RASGRP3: variants seen among roughly 807,000 people sequenced by gnomAD.
RASGRP3 encodes RAS guanyl releasing protein 3.
A neutral mutation model predicts 82.7 loss-of-function variants in RASGRP3; 54 were observed. The ratio of observed to expected loss-of-function variants is 0.65; its 90% CI spans 0.52 to 0.82. RASGRP3 has a LOEUF of 0.82. Among genes scored for constraint, RASGRP3 ranks in the 40% least tolerant of loss-of-function variants. The probability of loss-of-function intolerance (pLI) is 0.00; values close to 1 mark genes in which losing one functional copy is unlikely to be tolerated. For missense variants in RASGRP3, 861 were observed against 828.9 expected, an observed-to-expected ratio of 1.04 and a Z score of -0.48; for synonymous variants, 309 against 300.5, an observed-to-expected ratio of 1.03 and a Z score of -0.29.
intron 1 of RASGRP3, among the ~76,000 whole-genome samples, chr2:33,505,912 T>C (rs543579388): frequency 3.3e-4 from 50 of 152,346 alleles, no homozygotes; most frequent in African/African-American, 1.0e-3. Flanking sequence ...CTTTGGAATT[T>C]CATGGTATTT....
chr2:33,558,091 C>A (rs1391144486), intron 15 of RASGRP3, 120 bp from the exon 16 acceptor site: 2 of 1,355,016 alleles, frequency 1.5e-6, no homozygotes, highest in Non-Finnish European at 2.0e-6. Context: ...GAGCTCAACT[C>A]TGAAATTCAA....
chr2:33,499,891 C>G (rs1669705665), intron 1 of RASGRP3, among the ~76,000 whole-genome samples: 1 of 152,174 alleles, frequency 6.6e-6, no homozygotes, highest in Non-Finnish European at 1.5e-5. Flanking sequence ...AGGCACACTT[C>G]TGGGCTAGGG....
chr2:33,503,618 C>T (rs1231106970), intron 1 of RASGRP3, among the ~76,000 whole-genome samples: 2 of 151,456 alleles, frequency 1.3e-5, no homozygotes, highest in Non-Finnish European at 2.9e-5. Flanking sequence ...CTGTACTTTA[C>T]CGTTAATTGA....
At chr2:33,472,558 A>C (rs1239402402), upstream of RASGRP3, among the ~76,000 whole-genome samples, 10 of 152,338 alleles carry the variant, frequency 6.6e-5, no homozygotes, top group Non-Finnish European at 1.2e-4. Context: ...CCTAAGGGGC[A>C]GATAGCGGAA....
intron 9 of RASGRP3, among the ~76,000 whole-genome samples, chr2:33,526,348 C>T (rs564981659): frequency 5.0e-4 from 76 of 152,266 alleles, no homozygotes; most frequent in African/African-American, 1.8e-3. Context: ...TGTGAAGCAA[C>T]CAACGATAAC....
At chr2:33,437,862 A>T (rs1665008627) in intron 1 of RASGRP3, among the ~76,000 whole-genome samples, 1 of 152,220 alleles carries the variant, frequency 6.6e-6, no homozygotes, top group African/African-American at 2.4e-5. Flanking sequence ...AATTAATCTG[A>T]ATAAATATGA....
intron 2 of RASGRP3, 56 bp from the exon 3 acceptor site, chr2:33,514,954 C>G: frequency 1.7e-6 from 1 of 598,410 alleles, no homozygotes; most frequent in East Asian, 2.8e-5. Context: ...AAGTGATGCT[C>G]TAGTGGGGTC....
At chr2:33,453,785 GTAAT>G (rs1665912575) in intron 2 of RASGRP3, among the ~76,000 whole-genome samples, 1 of 152,152 alleles carries the variant, frequency 6.6e-6, no homozygotes, top group Admixed American at 6.5e-5. Context: ...TATAAAAGAT[GTAAT>G]TAAAATTGAT....
intron 2 of RASGRP3, among the ~76,000 whole-genome samples, chr2:33,455,134 G>A (rs1665974585): frequency 1.3e-5 from 2 of 152,182 alleles, no homozygotes; most frequent in African/African-American, 4.8e-5. Flanking sequence ...ATGATGTCAT[G>A]TAGGCAAAGA....
intron 10 of RASGRP3, among the ~76,000 whole-genome samples, chr2:33,528,675 A>G (rs1003053462): frequency 6.6e-6 from 1 of 152,178 alleles, no homozygotes; most frequent in Admixed American, 6.5e-5. Flanking sequence ...CCTTCTCACA[A>G]ACTGTTCCTA....
At chr2:33,500,100 C>CA (rs1426203687) in intron 1 of RASGRP3, among the ~76,000 whole-genome samples, 1 of 151,662 alleles carries the variant, frequency 6.6e-6, no homozygotes, top group Non-Finnish European at 1.5e-5. Flanking sequence ...GAGAGACATT[C>CA]AAAAAAATAA....
Position 33,515,123 on chromosome 2 carries a change from A to G in RASGRP3, c.-14A>G, listed in dbSNP as rs1671321168. On this transcript the variant is annotated 5_prime_UTR_variant, in exon 3 of 18. Transcript: ENST00000403687. The stretch of plus-strand genomic sequence containing the variant: ...TGAAAATGTCTCTAGTTTTTTGACA[A>G]CGGCTAAATAACCATGGGATCAAGT... 4 of 1,613,628 alleles carry G rather than the reference A, an allele frequency of 2.5e-6. No homozygotes were observed. In the African/African-American group the frequency reaches 4.0e-5, roughly 16 times the overall value.
At chr2:33,486,901 G>T (rs762406280) in intron 1 of RASGRP3, among the ~76,000 whole-genome samples, 3 of 152,108 alleles carry the variant, frequency 2.0e-5, no homozygotes, top group Non-Finnish European at 2.9e-5. Flanking sequence ...TAACAGTAGT[G>T]TTTGCCCTTC....
chr2:33,489,533 A>G (rs1395260318), intron 1 of RASGRP3, among the ~76,000 whole-genome samples: 1 of 152,178 alleles, frequency 6.6e-6, no homozygotes, highest in Non-Finnish European at 1.5e-5. Context: ...CAAAGCAATG[A>G]GGGACACATT....
chr2:33,562,702 T>C (rs777966398), intron 17 of RASGRP3, 27 bp from the exon 18 acceptor site: 4 of 1,611,674 alleles, frequency 2.5e-6, no homozygotes, highest in Non-Finnish European at 3.4e-6. Context: ...GATCCAGCCA[T>C]GCAATAGGTT....
intron 3 of RASGRP3, 113 bp from the exon 4 acceptor site, chr2:33,516,429 C>A (rs1671474313): frequency 3.0e-6 from 2 of 658,848 alleles, no homozygotes; most frequent in Non-Finnish European, 5.1e-6. Context: ...AATAAAAGAT[C>A]ATTTGTCTAT....
At chr2:33,457,375 G>A (rs1302476443) in intron 2 of RASGRP3, among the ~76,000 whole-genome samples, 3 of 151,884 alleles carry the variant, frequency 2.0e-5, no homozygotes, top group African/African-American at 7.3e-5. Context: ...TATTTTATGT[G>A]CATTTGAAAA....
chr2:33,555,493 C>T, intron 14 of RASGRP3, 38 bp from the exon 15 acceptor site: 2 of 1,556,672 alleles, frequency 1.3e-6, no homozygotes, highest in Non-Finnish European at 1.8e-6. Flanking sequence ...CCAGATCTAT[C>T]CTCAGATTCC....
chr2:33,484,537 T>C (rs552497649), intron 1 of RASGRP3, among the ~76,000 whole-genome samples: 2 of 131,718 alleles, frequency 1.5e-5, no homozygotes, highest in South Asian at 2.2e-4. Flanking sequence ...TTAGAGATCA[T>C]TTTTTTTTTT....
Sources: allele counts gnomAD v4.1 joint callset (sites outside exome capture counted in the v4.1 genomes callset), GRCh38; gene constraint gnomAD v4.1.1; transcripts MANE v1.5; gene names NCBI Gene and HGNC (gene_info 2026-07-23, HGNC 2026-07-21).